Variants in SOX6 observed in about 807,000 individuals in gnomAD.
SOX6 encodes SRY-box transcription factor 6.
Under a neutral mutation model 97.8 loss-of-function variants are expected in SOX6, and 11 were observed. The ratio of observed to expected loss-of-function variants is 0.11; its 90% CI spans 0.07 to 0.19. The LOEUF is 0.19. SOX6 is among the 10% of genes least tolerant of loss of function. SOX6 has a pLI of 1.00. For synonymous variants in SOX6, 360 were observed against 371.4 expected (o/e 0.97, Z 0.35); for missense variants, 810 against 1,039.5 (o/e 0.78, Z 3.04).
At chr11:16,106,392 A>G (rs540429447) in intron 7 of SOX6, among the ~76,000 whole-genome samples, 26 of 151,982 alleles carry the variant, frequency 1.7e-4, no homozygotes, top group African/African-American at 6.3e-4. Context: ...ATACATATCT[A>G]CCAATTAAAT....
At chr11:16,313,761 A>G (rs1365608351) in intron 3 of SOX6, 1 of 146,242 alleles carries the variant, frequency 6.8e-6, no homozygotes, top group Non-Finnish European at 1.5e-5. Flanking sequence ...CATTGCTCCC[A>G]TGTCCAAAAC....
At chr11:16,208,984 A>C (rs570183627) in intron 4 of SOX6, among the ~76,000 whole-genome samples, 1 of 152,192 alleles carries the variant, frequency 6.6e-6, no homozygotes, top group African/African-American at 2.4e-5. Flanking sequence ...AAAATATTTC[A>C]TTTTCTAAAT....
At chr11:16,664,888 G>A (rs547242043) in intron 3 of SOX6, among the ~76,000 whole-genome samples, 1 of 152,018 alleles carries the variant, frequency 6.6e-6, no homozygotes, top group East Asian at 1.9e-4. Flanking sequence ...AGCAGAGAGA[G>A]TCCTGAGGCC....
chr11:16,366,376 T>C (rs1360759790), intron 1 of SOX6, among the ~76,000 whole-genome samples: 3 of 152,072 alleles, frequency 2.0e-5, no homozygotes, highest in Non-Finnish European at 4.4e-5. Flanking sequence ...ATCGCACATA[T>C]AGATATGTTT....
chr11:16,617,708 C>G (rs1282076568), intron 3 of SOX6, among the ~76,000 whole-genome samples: 3 of 151,642 alleles, frequency 2.0e-5, no homozygotes, highest in Non-Finnish European at 4.4e-5. Context: ...AGAGTACGAG[C>G]CTTTTAAAAA....
At chr11:16,176,848 G>A (rs1290138552) in intron 6 of SOX6, among the ~76,000 whole-genome samples, 1 of 151,896 alleles carries the variant, frequency 6.6e-6, no homozygotes, top group Non-Finnish European at 1.5e-5. Flanking sequence ...TGCTCCATCA[G>A]GCATCAAGAA....
intron 1 of SOX6, among the ~76,000 whole-genome samples, chr11:16,463,414 C>T (rs1406208961): frequency 1.3e-5 from 2 of 152,112 alleles, no homozygotes; most frequent in African/African-American, 4.8e-5. Context: ...AATAAATATA[C>T]AAATATGTGA....
chr11:16,577,811 A>G (rs982640536), intron 4 of SOX6, among the ~76,000 whole-genome samples: 21 of 152,116 alleles, frequency 1.4e-4, no homozygotes, highest in Admixed American at 7.9e-4. Flanking sequence ...AGTTCTTAAT[A>G]TATTCTGAAT....
At chr11:16,370,867 A>T (rs1485648159) in intron 1 of SOX6, among the ~76,000 whole-genome samples, 1 of 152,048 alleles carries the variant, frequency 6.6e-6, no homozygotes, top group Non-Finnish European at 1.5e-5. Flanking sequence ...TACCTCCACT[A>T]CTACTCAAAG....
rs570716192 is a variant in SOX6, at chr11:16,492,117, A to G, written n.610-15729T>C. The stretch of plus-strand genomic sequence containing the variant: ...AAACAAAATATTGAAAGCATTACCC[A>G]AAACGGGAAAAGTAGATAAATTTTA... On this transcript the variant is annotated intron_variant and non_coding_transcript_variant, in intron 4 of 5. Coordinates refer to the SOX6 transcript ENST00000524520. 2.6e-5 allele frequency among the ~76,000 whole-genome samples: 4 copies of G among 152,338 alleles called. No homozygotes were observed. The South Asian group carries it at 8.3e-4, about 32-fold the overall frequency.
intron 6 of SOX6, among the ~76,000 whole-genome samples, chr11:16,130,152 T>C (rs186935285): frequency 4.5e-4 from 68 of 152,060 alleles, no homozygotes; most frequent in Admixed American, 3.7e-3. Flanking sequence ...TATATACTAG[T>C]AATAAACAAT....
intron 4 of SOX6, among the ~76,000 whole-genome samples, chr11:16,536,831 A>G (rs1048430981): frequency 3.9e-5 from 6 of 152,270 alleles, no homozygotes; most frequent in Non-Finnish European, 5.9e-5. Context: ...ACCACAGATC[A>G]GCAAGGCCTA....
At position 16,457,579 on chromosome 11, in the gene SOX6, C is replaced by T. The variant is rs16933151; in HGVS notation, c.-5+18736G>A. ...GATGAAGGAATTGTGACTCAGGCCA[C>T]GTAATTTGATCAGAGTTGCATCAAG... is the stretch of plus-strand genomic sequence containing the variant. On this transcript the variant is annotated intron_variant, in intron 1 of 15. Coordinates refer to the SOX6 transcript ENST00000396356. Among the ~76,000 whole-genome samples the T allele has an allele frequency of 4.1e-3, 626 of 152,172 alleles. 3 individuals carry two copies. Among genetic ancestry groups the T allele is most frequent in the Non-Finnish European group, 6.4e-3 (432 of 67,958 alleles).
intron 2 of SOX6, among the ~76,000 whole-genome samples, chr11:16,720,183 C>T (rs1307457789): frequency 2.0e-5 from 3 of 151,440 alleles, no homozygotes; most frequent in Non-Finnish European, 2.9e-5. Flanking sequence ...CCCAGCCATC[C>T]CATTACTGGG....
rs1858913605 is a variant in SOX6 at position 16,415,773 on chromosome 11, G to C, written c.-5+60542C>G. On this transcript the variant is annotated intron_variant, in intron 1 of 15. Transcript: ENST00000396356. ...AAATGATCAATCACGAGGGATACTAGCAAACTTCTAGATTATCTGGCAATC... is the reference window on the plus strand; with the variant it reads ...AAATGATCAATCACGAGGGATACTACCAAACTTCTAGATTATCTGGCAATC... Among the ~76,000 whole-genome samples the C allele has an allele frequency of 1.3e-5, 2 of 152,094 alleles. 1 individual carries two copies.
At position 15,971,484 on chromosome 11, in the gene SOX6, G is replaced by C. The variant is rs2119750308; in HGVS notation, c.*1325C>G. ...CCTTGCTGCTGAATGGAATTCAGGG[G>C]GAAATGCCACTGATGCAGACCCTAC... is the stretch of plus-strand genomic sequence containing the variant. On this transcript the variant is annotated 3_prime_UTR_variant, in exon 16 of 16. Coordinates refer to ENST00000683767, the MANE Select transcript of SOX6 (RefSeq NM_001367873.1). 6.5e-6 allele frequency: 1 copy of C among 152,758 alleles called. No homozygotes were observed. The highest frequency in any genetic ancestry group is 1.9e-4 in the East Asian group (1 of 5,176). 9.5% of individuals were successfully genotyped at this position (152,758 alleles called of 1,614,324 possible). A position where few individuals can be genotyped will look rare whatever the true frequency, so the allele number is the denominator to read the frequency against.
chr11:16,415,095 T>G (rs912789818), intron 1 of SOX6, among the ~76,000 whole-genome samples: 1 of 152,154 alleles, frequency 6.6e-6, no homozygotes, highest in African/African-American at 2.4e-5. Context: ...ATTTTTATTT[T>G]GCAAATGAGT....
intron 2 of SOX6, among the ~76,000 whole-genome samples, chr11:16,338,435 C>T (rs771233583): frequency 1.2e-4 from 18 of 151,846 alleles, no homozygotes; most frequent in Non-Finnish European, 1.5e-4. Flanking sequence ...GTTTTTTTTC[C>T]TGTAAGTGTT....
intron 7 of SOX6, among the ~76,000 whole-genome samples, chr11:16,104,379 T>A (rs1849021940): frequency 1.3e-5 from 2 of 152,034 alleles, no homozygotes; most frequent in South Asian, 2.1e-4. Flanking sequence ...TTTCTTAAGA[T>A]CACACATACT....
Sources: allele counts gnomAD v4.1 joint callset (sites outside exome capture counted in the v4.1 genomes callset), GRCh38; gene constraint gnomAD v4.1.1; transcripts MANE v1.5; gene names NCBI Gene and HGNC (gene_info 2026-07-23, HGNC 2026-07-21).